Variants in UBL3 observed in about 807,000 individuals in gnomAD.
UBL3 encodes ubiquitin like 3, also known as ubiquitin-like protein 3.
In UBL3, 6 loss-of-function variants were observed where a neutral mutation model predicts 18.4. The observed-to-expected ratio is 0.33, with a 90% CI of 0.18 to 0.64. UBL3 has a LOEUF of 0.64. Among genes scored for constraint, UBL3 ranks in the 30% least tolerant of loss-of-function variants. The pLI is 0.76. For missense variants in UBL3, 109 were observed against 142.9 expected (o/e 0.76, Z 1.21); for synonymous variants, 49 against 46.6 (o/e 1.05, Z -0.21).
chr13:29,833,229 C>T (rs1020033947), intron 1 of UBL3, among the ~76,000 whole-genome samples: 6 of 150,662 alleles, frequency 4.0e-5, no homozygotes, highest in South Asian at 2.1e-4. Context: ...TCTGGGAAAA[C>T]GGTGGAAGGC....
chr13:29,788,638 A>G (rs1565992006), intron 1 of UBL3, among the ~76,000 whole-genome samples: 1 of 152,202 alleles, frequency 6.6e-6, no homozygotes, highest in Non-Finnish European at 1.5e-5. Flanking sequence ...ACAACTTTTG[A>G]GACAAAATAC....
intron 1 of UBL3, among the ~76,000 whole-genome samples, chr13:29,815,397 G>A (rs1432273210): frequency 1.3e-5 from 2 of 152,116 alleles, no homozygotes; most frequent in African/African-American, 2.4e-5. Context: ...TTTGGGAAAT[G>A]ACCATGAATT....
At chr13:29,776,253 T>C (rs1321422719) in intron 2 of UBL3, among the ~76,000 whole-genome samples, 3 of 124,778 alleles carry the variant, frequency 2.4e-5, no homozygotes, top group Non-Finnish European at 3.2e-5. Flanking sequence ...CTTTTTTTTC[T>C]TTTCTTTCTT....
At chr13:29,833,622 C>G (rs915267026) in intron 1 of UBL3, among the ~76,000 whole-genome samples, 1 of 152,192 alleles carries the variant, frequency 6.6e-6, no homozygotes, top group Non-Finnish European at 1.5e-5. Flanking sequence ...GCATAAATGT[C>G]AACATCTCTG....
intron 1 of UBL3, among the ~76,000 whole-genome samples, chr13:29,835,153 T>A (rs181118139): frequency 0.017 from 508 of 30,370 alleles, 26 homozygotes; most frequent in Non-Finnish European, 0.023. Flanking sequence ...TATATATATA[T>A]ATATATATAT....
rs913144929 is a variant in UBL3, at chr13:29,839,667, C to T, written c.27+9845G>A. On this transcript the variant is annotated intron_variant, in intron 1 of 4. Coordinates refer to ENST00000380680, the MANE Select transcript of UBL3 (RefSeq NM_007106.4). Reference sequence around the variant, plus strand: ...AATAGGCCGGGCGCAGTGGCTCACGCCTGTAATCCCAGCACTTTGGGAGGC... The same window carrying T: ...AATAGGCCGGGCGCAGTGGCTCACGTCTGTAATCCCAGCACTTTGGGAGGC... Among the ~76,000 whole-genome samples, 47 of 152,224 alleles carry T rather than the reference C, an allele frequency of 3.1e-4. 1 individual carries two copies. Among genetic ancestry groups the T allele is most frequent in the Admixed American group, 1.8e-3 (28 of 15,294 alleles).
Position 29,810,704 on chromosome 13 carries a change from G to A in UBL3, c.28-33441C>T, listed in dbSNP as rs910199205. The stretch of plus-strand genomic sequence containing the variant: ...TTTAGTGTAACAGTGAGTTTTCTAC[G>A]TGTGAATTAGATATTTTAAATTAAG... On this transcript the variant is annotated intron_variant, in intron 1 of 4. Coordinates refer to ENST00000380680, the MANE Select transcript of UBL3 (RefSeq NM_007106.4). 4.6e-5 allele frequency among the ~76,000 whole-genome samples: 7 copies of A among 152,140 alleles called. No homozygotes were observed. The East Asian group carries it at 5.8e-4, about 13-fold the overall frequency.
chr13:29,830,895 GATA>G (rs1878753897), intron 1 of UBL3, among the ~76,000 whole-genome samples: 1 of 152,168 alleles, frequency 6.6e-6, no homozygotes, highest in African/African-American at 2.4e-5. Context: ...TGAAATACTT[GATA>G]ATATATTGAG....
intron 1 of UBL3, among the ~76,000 whole-genome samples, chr13:29,778,633 T>C (rs375630237): frequency 1.6e-4 from 24 of 152,124 alleles, no homozygotes; most frequent in African/African-American, 5.8e-4. Context: ...TACCAGAAAA[T>C]CTTTAAGATG....
intron 1 of UBL3, among the ~76,000 whole-genome samples, chr13:29,843,814 T>C (rs1306560685): frequency 6.6e-6 from 1 of 152,180 alleles, no homozygotes; most frequent in African/African-American, 2.4e-5. Flanking sequence ...GCAGGTACTT[T>C]CTCACTTACT....
intron 1 of UBL3, among the ~76,000 whole-genome samples, chr13:29,782,998 T>C (rs1414684139): frequency 1.3e-5 from 2 of 152,220 alleles, no homozygotes; most frequent in African/African-American, 4.8e-5. Flanking sequence ...TTTCTGTTTT[T>C]TCAGTTTTAA....
chr13:29,825,394 G>T (rs1163399134), intron 1 of UBL3, among the ~76,000 whole-genome samples: 5 of 152,140 alleles, frequency 3.3e-5, no homozygotes, highest in Non-Finnish European at 7.3e-5. Flanking sequence ...GTGGTTTGTA[G>T]TTCTCCTTGA....
intron 1 of UBL3, among the ~76,000 whole-genome samples, chr13:29,790,397 A>T (rs1877451247): frequency 6.6e-6 from 1 of 152,208 alleles, no homozygotes; most frequent in Non-Finnish European, 1.5e-5. Flanking sequence ...CTGTGCTCCT[A>T]AAGGTTACTT....
At chr13:29,788,866 TGTGTGCGCGCGCGCGCGCACGCGCAC>T (rs879924155) in intron 1 of UBL3, among the ~76,000 whole-genome samples, 10,215 of 32,048 alleles carry the variant, frequency 0.32, 362 homozygotes, top group Non-Finnish European at 0.41. Context: ...TGTGTGTGTG[TGTGTGCGCGCGCGCGCGCACGCGCAC>T]GTGTGTGCGT....
At chr13:29,823,819 T>C (rs1160602014) in intron 1 of UBL3, among the ~76,000 whole-genome samples, 1 of 151,950 alleles carries the variant, frequency 6.6e-6, no homozygotes, top group Non-Finnish European at 1.5e-5. Context: ...TAACTCGTCA[T>C]TTACATTAGG....
intron 1 of UBL3, among the ~76,000 whole-genome samples, chr13:29,845,614 T>G (rs764393482): frequency 3.9e-5 from 6 of 152,092 alleles, no homozygotes; most frequent in Non-Finnish European, 8.8e-5. Flanking sequence ...TTTTAGTAAT[T>G]TCCTGTCCAC....
At chr13:29,797,863 G>T (rs1409954256) in intron 1 of UBL3, among the ~76,000 whole-genome samples, 2 of 152,046 alleles carry the variant, frequency 1.3e-5, no homozygotes, top group Admixed American at 6.6e-5. Context: ...AATCCATGAG[G>T]ATTACTTAAA....
At chr13:29,781,831 A>T (rs1345197931) in intron 1 of UBL3, among the ~76,000 whole-genome samples, 6 of 125,358 alleles carry the variant, frequency 4.8e-5, no homozygotes, top group East Asian at 2.3e-4. Flanking sequence ...AAAAAATTAA[A>T]AAAAAAAAAA....
At chr13:29,774,810 A>T (rs1034014745) in intron 2 of UBL3, among the ~76,000 whole-genome samples, 3 of 151,968 alleles carry the variant, frequency 2.0e-5, no homozygotes, top group Non-Finnish European at 4.4e-5. Flanking sequence ...CATTTTAATG[A>T]AATCTGGAGG....
Sources: gnomAD v4.1 joint callset for allele counts (sites outside exome capture counted in the v4.1 genomes callset) on GRCh38, gnomAD v4.1.1 for gene constraint, MANE v1.5 for transcripts, NCBI Gene and HGNC (gene_info 2026-07-23, HGNC 2026-07-21) for gene names.